The following OSBPL9 variants were observed in gnomAD, a reference collection of about 807,000 sequenced individuals.
OSBPL9 encodes the protein oxysterol-binding protein-related protein 9.
OSBPL9 carries 40 observed loss-of-function variants against 106.6 expected under a neutral mutation model. The ratio of observed to expected loss-of-function variants is 0.38; its 90% CI spans 0.29 to 0.49. OSBPL9 has a LOEUF of 0.49. Among genes scored for constraint, OSBPL9 ranks in the 20% least tolerant of loss-of-function variants. The probability of loss-of-function intolerance (pLI) is 0.97; values close to 1 mark genes in which losing one functional copy is unlikely to be tolerated. For synonymous variants in OSBPL9, 269 were observed against 295.4 expected (o/e 0.91, Z 0.92); for missense variants, 609 against 887.2 (o/e 0.69, Z 3.98).
chr1:51,526,821 T>G, the OSBPL9 span, among the ~76,000 whole-genome samples: 1 of 152,116 alleles, frequency 6.6e-6, no homozygotes, highest in Admixed American at 6.5e-5. Context: ...CTCGGCTCAC[T>G]GCAACCTCTG....
chr1:51,748,039 T>G (rs1321197521), intron 6 of OSBPL9, among the ~76,000 whole-genome samples: 3 of 152,192 alleles, frequency 2.0e-5, no homozygotes, highest in Non-Finnish European at 4.4e-5. Flanking sequence ...TCCGCCCACC[T>G]CGGCCTCCCA....
At chr1:51,772,017 A>G (rs1674018816) in intron 12 of OSBPL9, 53 bp from the exon 13 acceptor site, 11 of 1,358,462 alleles carry the variant, frequency 8.1e-6, no homozygotes, top group African/African-American at 2.9e-5. Flanking sequence ...CTAGCTTACT[A>G]TGATTCTAAA....
At position 51,783,922 on chromosome 1, in the gene OSBPL9, C is replaced by T. The variant is rs372331980; in HGVS notation, c.1521C>T (p.Ala507=). The change falls in exon 18 of 24, where the codon GCC becomes GCT. Residue 507 remains alanine, a synonymous_variant. Transcript: ENST00000428468. ...TTGAAAATTTCTATTCAGTTTCAGC[C>T]TTTTATGCTGAGTGTTTTAACAAGA... is the stretch of plus-strand genomic sequence containing the variant. The part of the protein sequence containing the change: ...EQVSHHPPIS[A]FYAECFNKKI... The T allele has an allele frequency of 7.4e-6, 12 of 1,610,780 alleles. No homozygotes were observed. The highest frequency in any genetic ancestry group is 1.0e-5 in the Non-Finnish European group (12 of 1,177,184).
At chr1:51,636,197 G>A (rs906002291) in intron 1 of OSBPL9, among the ~76,000 whole-genome samples, 10 of 110,366 alleles carry the variant, frequency 9.1e-5, no homozygotes, top group South Asian at 5.6e-4. Flanking sequence ...GTCTTGCTTC[G>A]TTATCCAGGC....
At chr1:51,569,982 G>A in the OSBPL9 span, among the ~76,000 whole-genome samples, 1 of 152,160 alleles carries the variant, frequency 6.6e-6, no homozygotes. Context: ...GGGCCACATA[G>A]CTAGCAAGGA....
intron 3 of OSBPL9, among the ~76,000 whole-genome samples, chr1:51,684,255 T>C (rs1160581884): frequency 6.6e-6 from 1 of 152,012 alleles, no homozygotes; most frequent in East Asian, 1.9e-4. Context: ...GTGATTCTCC[T>C]ACTTTGGCCT....
At position 51,588,581 on chromosome 1, in the gene OSBPL9, G is replaced by A. The variant is rs556569248; in HGVS notation, c.-422-9543G>A. Among the ~76,000 whole-genome samples the A allele has an allele frequency of 2.6e-5, 4 of 152,240 alleles. No homozygotes were observed. In the East Asian group the frequency reaches 7.7e-4, roughly 29 times the overall value. ...TGGGATGGTCACTTGAGCTCAGGAG[G>A]TGGAGGCTGCAGTGAGCCATGACAG... On this transcript the variant is annotated intron_variant, in intron 1 of 25. Coordinates refer to the OSBPL9 transcript ENST00000371714.
At position 51,756,445 on chromosome 1, in the gene OSBPL9, A is replaced by C. The variant is rs1670359057; in HGVS notation, c.582+87A>C. 3 of 1,275,892 alleles carry C rather than the reference A, an allele frequency of 2.4e-6. No individual in the cohort carries two copies. In the Admixed American group the frequency reaches 5.9e-5, roughly 25 times the overall value. 79.0% of individuals were successfully genotyped at this position (1,275,892 alleles called of 1,614,324 possible). A position where few individuals can be genotyped will look rare whatever the true frequency, so the allele number is the denominator to read the frequency against. ...TCAGGAGAAGCCTGAATTACTACTC[A>C]TTTTTCAATGCCAACTACTCACTGC... is the stretch of plus-strand genomic sequence containing the variant. On this transcript the variant is annotated intron_variant, in intron 9 of 23. Transcript: ENST00000428468.
intron 4 of OSBPL9, among the ~76,000 whole-genome samples, chr1:51,722,156 A>G (rs1662250967): frequency 8.5e-6 from 1 of 118,254 alleles, no homozygotes; most frequent in East Asian, 2.6e-4. Flanking sequence ...CTCCATCTCT[A>G]AAATAAATAG....
chr1:51,693,471 G>GA (rs891103907), intron 3 of OSBPL9, among the ~76,000 whole-genome samples: 3 of 151,978 alleles, frequency 2.0e-5, no homozygotes, highest in Admixed American at 6.6e-5. Context: ...CGAGGGAAGG[G>GA]AAAAAAATGT....
chr1:51,662,791 G>C (rs184648417), intron 2 of OSBPL9, among the ~76,000 whole-genome samples: 58 of 149,624 alleles, frequency 3.9e-4, no homozygotes, highest in South Asian at 2.6e-3. Context: ...GTCGCCCAGG[G>C]TGGAGTGCAG....
intron 1 of OSBPL9, among the ~76,000 whole-genome samples, chr1:51,593,039 A>G (rs1478870642): frequency 6.6e-6 from 1 of 152,072 alleles, no homozygotes; most frequent in Non-Finnish European, 1.5e-5. Context: ...TTGGAAAAGG[A>G]TTGTGCTTTG....
intron 4 of OSBPL9, among the ~76,000 whole-genome samples, chr1:51,715,539 C>T (rs12047413): frequency 0.04 from 6,080 of 152,010 alleles, 300 homozygotes; most frequent in East Asian, 0.11. Flanking sequence ...CCACCCCGTG[C>T]GTTCTAGCAA....
chr1:51,559,860 GTA>G, the OSBPL9 span, among the ~76,000 whole-genome samples: 11 of 141,738 alleles, frequency 7.8e-5, no homozygotes, highest in African/African-American at 3.1e-4. Flanking sequence ...AGAGACAACT[GTA>G]AAAAAAAAAT....
intron 12 of OSBPL9, among the ~76,000 whole-genome samples, chr1:51,766,396 G>T (rs1672560096): frequency 6.6e-6 from 1 of 152,082 alleles, no homozygotes; most frequent in Non-Finnish European, 1.5e-5. Flanking sequence ...TAATTAGAGT[G>T]GAAATATTCA....
At chr1:51,702,649 T>C (rs560868174) in intron 3 of OSBPL9, among the ~76,000 whole-genome samples, 85 of 152,380 alleles carry the variant, frequency 5.6e-4, no homozygotes, top group African/African-American at 1.9e-3. Context: ...TTTAATTTAA[T>C]TAGATCCCAT....
chr1:51,611,857 C>A (rs1643990129), intron 2 of OSBPL9, among the ~76,000 whole-genome samples: 1 of 152,150 alleles, frequency 6.6e-6, no homozygotes, highest in South Asian at 2.1e-4. Flanking sequence ...CGCCTGTAGT[C>A]CCAGCTACTC....
the OSBPL9 span, among the ~76,000 whole-genome samples, chr1:51,551,967 A>ATGTGTGTGTGTCTGTGTG: frequency 6.9e-6 from 1 of 145,104 alleles, no homozygotes; most frequent in African/African-American, 2.6e-5. Context: ...GTGAATAGAA[A>ATGTGTGTGTGTCTGTGTG]TGTGTGTGTG....
At chr1:51,657,145 T>A (rs1289809497) in intron 2 of OSBPL9, among the ~76,000 whole-genome samples, 1 of 152,232 alleles carries the variant, frequency 6.6e-6, no homozygotes, top group African/African-American at 2.4e-5. Context: ...TATGTATTTA[T>A]GAAAATAATC....
Sources: allele counts gnomAD v4.1 joint callset (sites outside exome capture counted in the v4.1 genomes callset), GRCh38; gene constraint gnomAD v4.1.1; transcripts MANE v1.5; gene names NCBI Gene and HGNC (gene_info 2026-07-23, HGNC 2026-07-21).